CFDP1: variants seen among roughly 807,000 people sequenced by gnomAD.
CFDP1 encodes the protein heterochromatin-stabilizing protein CFDP1.
CFDP1 carries 31 observed loss-of-function variants against 40.1 expected under a neutral mutation model. That is an observed-to-expected ratio of 0.77 (90% confidence interval 0.58 to 1.04). The LOEUF is 1.04. Among genes scored for constraint, CFDP1 ranks in the 50% least tolerant of loss-of-function variants. The probability of loss-of-function intolerance (pLI) is 0.00; values close to 1 mark genes in which losing one functional copy is unlikely to be tolerated. For missense variants in CFDP1, 423 were observed against 343.4 expected (o/e 1.23, Z -1.83); for synonymous variants, 167 against 120.0 (o/e 1.39, Z -2.56).
chr16:75,363,401 T>C (rs2078692667), intron 5 of CFDP1, among the ~76,000 whole-genome samples: 1 of 151,766 alleles, frequency 6.6e-6, no homozygotes, highest in Non-Finnish European at 1.5e-5. Flanking sequence ...TTACCTTTTT[T>C]TTTTTTTTCC....
At chr16:75,389,985 A>T (rs373642033) in intron 5 of CFDP1, among the ~76,000 whole-genome samples, 12 of 152,356 alleles carry the variant, frequency 7.9e-5, no homozygotes, top group African/African-American at 2.4e-4. Context: ...TATCATAATT[A>T]AACACGTACA....
intron 5 of CFDP1, chr16:75,381,321 G>GT (rs1377541783): frequency 2.0e-5 from 3 of 151,976 alleles, no homozygotes; most frequent in Admixed American, 2.0e-4. Context: ...AATTAAAATA[G>GT]TTTTTTAAAA....
intron 1 of CFDP1, among the ~76,000 whole-genome samples, chr16:75,432,721 G>A (rs970229216): frequency 2.0e-5 from 3 of 152,202 alleles, no homozygotes; most frequent in African/African-American, 7.2e-5. Context: ...AGGGGGAACA[G>A]AAAGATTTCT....
At chr16:75,409,671 G>A (rs150663067) in intron 4 of CFDP1, among the ~76,000 whole-genome samples, 7 of 152,158 alleles carry the variant, frequency 4.6e-5, no homozygotes, top group Non-Finnish European at 7.4e-5. Context: ...TAGGAGACAC[G>A]TGCTAAAGTA....
intron 5 of CFDP1, among the ~76,000 whole-genome samples, chr16:75,374,629 C>A (rs1289896738): frequency 6.6e-6 from 1 of 151,108 alleles, no homozygotes. Flanking sequence ...CCAGCCTGGG[C>A]AACATAGTGA....
intron 1 of CFDP1, among the ~76,000 whole-genome samples, chr16:75,428,131 GTTT>G (rs35270132): frequency 1.4e-5 from 2 of 142,590 alleles, no homozygotes; most frequent in Admixed American, 6.9e-5. Context: ...GGGGAAATTT[GTTT>G]TTTTTTTTTT....
chr16:75,414,613 T>C lies in CFDP1; in HGVS notation c.147A>G (p.Gln49=), dbSNP rs1226333823. 4 of 1,613,972 alleles carry C rather than the reference T, an allele frequency of 2.5e-6. 1 individual carries two copies. The South Asian group carries it at 4.4e-5, about 18-fold the overall frequency. The change falls in exon 2 of 7, where the codon CAA becomes CAG. Residue 49 remains glutamine, a synonymous_variant. Transcript: ENST00000283882. The part of the protein sequence containing the change: ...VDGEEQTQKT[Q]GKKRKAQSIP... ...TGCTCTGGGCCTTTCTTTTTTTCCC[T>C]TGGGTTTTCTGTGTCTGCTCTTCAC...
intron 5 of CFDP1, among the ~76,000 whole-genome samples, chr16:75,343,162 T>C (rs1383061259): frequency 1.2e-4 from 19 of 152,038 alleles, no homozygotes; most frequent in Admixed American, 1.2e-3. Context: ...CTCAGAAAAA[T>C]GGAAAAAAGT....
chr16:75,423,316 G>C (rs2079300699), intron 1 of CFDP1, among the ~76,000 whole-genome samples: 1 of 151,384 alleles, frequency 6.6e-6, no homozygotes, highest in Non-Finnish European at 1.5e-5. Context: ...GGGCATGATG[G>C]TGTGCATCTG....
chr16:75,377,682 T>C (rs2078813041), intron 5 of CFDP1, among the ~76,000 whole-genome samples: 1 of 152,238 alleles, frequency 6.6e-6, no homozygotes, highest in Non-Finnish European at 1.5e-5. Context: ...ATGCTCCTAG[T>C]TGAAGGTCAG....
rs1320899873 is a variant in CFDP1 at position 75,411,708 on chromosome 16, T to C, written c.530+117A>G. On this transcript the variant is annotated intron_variant, in intron 4 of 6. Transcript: ENST00000283882. ...AGAGCCAGTTTTCCTTGAGTTCAAG[T>C]ATAACTCTCCCAAAATATTATGATG... 5 of 1,087,354 alleles carry C rather than the reference T, an allele frequency of 4.6e-6. No homozygotes were observed. In the East Asian group the frequency reaches 7.4e-5, roughly 16 times the overall value. The allele number at this position is 1,087,354 out of a possible 1,614,324, so 67.4% of individuals were successfully genotyped here.
At chr16:75,309,063 A>G (rs1179696891) in intron 5 of CFDP1, among the ~76,000 whole-genome samples, 1 of 152,224 alleles carries the variant, frequency 6.6e-6, no homozygotes, top group Admixed American at 6.5e-5. Flanking sequence ...GCTAAATCAA[A>G]GTGAATGACA....
chr16:75,341,024 C>T (rs956425721), intron 5 of CFDP1, among the ~76,000 whole-genome samples: 1 of 152,134 alleles, frequency 6.6e-6, no homozygotes, highest in African/African-American at 2.4e-5. Context: ...TTCATGATGA[C>T]CATTCTTTTC....
intron 5 of CFDP1, among the ~76,000 whole-genome samples, chr16:75,364,312 C>G (rs934876660): frequency 6.6e-6 from 1 of 152,108 alleles, no homozygotes; most frequent in African/African-American, 2.4e-5. Flanking sequence ...CTTTTAGCTA[C>G]CAAATTCCCC....
intron 1 of CFDP1, among the ~76,000 whole-genome samples, chr16:75,416,099 G>T (rs554459298): frequency 6.6e-6 from 1 of 152,020 alleles, no homozygotes; most frequent in Non-Finnish European, 1.5e-5. Flanking sequence ...TGATCCAGCC[G>T]CCTTGGCCTC....
intron 1 of CFDP1, among the ~76,000 whole-genome samples, chr16:75,432,459 G>C (rs138608681): frequency 3.3e-5 from 5 of 151,368 alleles, no homozygotes; most frequent in African/African-American, 1.2e-4. Context: ...GCTGAGACGG[G>C]AGGATCGCTT....
chr16:75,303,873 G>A (rs2078240296), intron 6 of CFDP1, among the ~76,000 whole-genome samples: 1 of 152,182 alleles, frequency 6.6e-6, no homozygotes, highest in Admixed American at 6.5e-5. Context: ...GTGGAGAAGA[G>A]CTTACTGGTA....
intron 1 of CFDP1, among the ~76,000 whole-genome samples, chr16:75,417,451 G>GA (rs1028434752): frequency 4.6e-4 from 70 of 151,446 alleles, no homozygotes; most frequent in African/African-American, 1.6e-3. Flanking sequence ...AAGTTAAACA[G>GA]AAAAAAAAGG....
chr16:75,397,105 G>T lies in CFDP1; in HGVS notation c.531-1896C>A, dbSNP rs868126898. On this transcript the variant is annotated intron_variant, in intron 4 of 6. Coordinates refer to ENST00000283882, the MANE Select transcript of CFDP1 (RefSeq NM_006324.3). Reference sequence around the variant, plus strand: ...ATTTTTTTGTATTTTTAGTAGAGATGGGGTTTCACCGTGTTAGCCAGGATG... The same window carrying T: ...ATTTTTTTGTATTTTTAGTAGAGATTGGGTTTCACCGTGTTAGCCAGGATG... Among the ~76,000 whole-genome samples the T allele has an allele frequency of 2.8e-4, 42 of 151,924 alleles. No homozygotes were observed. In the East Asian group the frequency reaches 5.1e-3, roughly 19 times the overall value.
Sources: gnomAD v4.1 joint callset for allele counts (sites outside exome capture counted in the v4.1 genomes callset) on GRCh38, gnomAD v4.1.1 for gene constraint, MANE v1.5 for transcripts, NCBI Gene and HGNC (gene_info 2026-07-23, HGNC 2026-07-21) for gene names.